Variants in SPRED1 observed in about 807,000 individuals in gnomAD.
SPRED1 encodes sprouty-related, EVH1 domain-containing protein 1.
SPRED1 carries 18 observed loss-of-function variants against 52.3 expected under a neutral mutation model. The ratio of observed to expected loss-of-function variants is 0.34; its 90% confidence interval spans 0.24 to 0.51. The LOEUF (loss-of-function observed/expected upper bound fraction) is 0.51. SPRED1 is among the 20% of genes least tolerant of loss of function. The probability of loss-of-function intolerance (pLI) is 0.97; values close to 1 mark genes in which losing one functional copy is unlikely to be tolerated. For missense variants in SPRED1, 485 were observed against 551.0 expected (o/e 0.88, Z 1.20); for synonymous variants, 155 against 179.7 (o/e 0.86, Z 1.10).
intron 2 of SPRED1, among the ~76,000 whole-genome samples, chr15:38,314,574 G>C (rs546479301): frequency 6.6e-6 from 1 of 151,722 alleles, no homozygotes; most frequent in African/African-American, 2.4e-5. Context: ...GCACACATAC[G>C]TGTATACTTT....
intron 4 of SPRED1, among the ~76,000 whole-genome samples, chr15:38,327,327 G>A (rs575885175): frequency 6.6e-6 from 1 of 152,230 alleles, no homozygotes; most frequent in South Asian, 2.1e-4. Context: ...TTAAAATACG[G>A]AAACATTATT....
chr15:38,342,991 G>T (rs1896058848), intron 5 of SPRED1, among the ~76,000 whole-genome samples: 1 of 152,108 alleles, frequency 6.6e-6, no homozygotes, highest in Non-Finnish European at 1.5e-5. Flanking sequence ...ACTATTAGCG[G>T]TAGGGAATCA....
intron 2 of SPRED1, among the ~76,000 whole-genome samples, chr15:38,319,543 C>T (rs147595034): frequency 6.6e-6 from 1 of 152,232 alleles, no homozygotes; most frequent in Non-Finnish European, 1.5e-5. Flanking sequence ...CCACGCCCGG[C>T]TAATTTTTGT....
intron 5 of SPRED1, among the ~76,000 whole-genome samples, chr15:38,345,900 G>A (rs895046343): frequency 3.3e-5 from 5 of 152,134 alleles, no homozygotes; most frequent in African/African-American, 4.8e-5. Flanking sequence ...ACAAAAGGCC[G>A]ATAGTGCATA....
At chr15:38,273,239 T>G (rs1041579704) in intron 1 of SPRED1, among the ~76,000 whole-genome samples, 11 of 152,194 alleles carry the variant, frequency 7.2e-5, no homozygotes, top group African/African-American at 2.4e-5. Flanking sequence ...TGCAGAAGAA[T>G]GAAACTGGAC....
At chr15:38,257,731 T>C (rs1302511093) in intron 1 of SPRED1, among the ~76,000 whole-genome samples, 1 of 152,222 alleles carries the variant, frequency 6.6e-6, no homozygotes, top group Non-Finnish European at 1.5e-5. Context: ...TTTAAGTCTT[T>C]AAATTGCTCT....
chr15:38,285,399 G>T (rs555658740), intron 1 of SPRED1, among the ~76,000 whole-genome samples: 1 of 152,318 alleles, frequency 6.6e-6, no homozygotes, highest in East Asian at 1.9e-4. Flanking sequence ...GAGTGGAGAT[G>T]ATGGCAGTAG....
intron 1 of SPRED1, among the ~76,000 whole-genome samples, chr15:38,274,655 G>A (rs919803891): frequency 6.6e-6 from 1 of 152,072 alleles, no homozygotes; most frequent in African/African-American, 2.4e-5. Flanking sequence ...AAATTTCACC[G>A]GTTGTTCCAC....
At chr15:38,333,488 A>T (rs1424564891) in intron 4 of SPRED1, among the ~76,000 whole-genome samples, 1 of 152,170 alleles carries the variant, frequency 6.6e-6, no homozygotes, top group African/African-American at 2.4e-5. Flanking sequence ...CTGTGTGTTC[A>T]TTTATTCTTT....
At chr15:38,283,275 C>T (rs983130769) in intron 1 of SPRED1, among the ~76,000 whole-genome samples, 1 of 152,136 alleles carries the variant, frequency 6.6e-6, no homozygotes, top group Non-Finnish European at 1.5e-5. Flanking sequence ...CTCACTATCA[C>T]AAGAACAGCT....
intron 1 of SPRED1, among the ~76,000 whole-genome samples, chr15:38,257,792 G>A (rs114755667): frequency 2.4e-3 from 362 of 152,280 alleles, no homozygotes; most frequent in African/African-American, 8.2e-3. Flanking sequence ...AACTGACTAG[G>A]GATAAAGAAG....
intron 3 of SPRED1, 96 bp from the exon 4 acceptor site, chr15:38,324,667 C>T: frequency 1.0e-6 from 1 of 982,830 alleles, no homozygotes; most frequent in South Asian, 1.5e-5. Context: ...TCTGATTAGT[C>T]TTCTAAAGTA....
chr15:38,349,371 A>C (rs1896204487), intron 5 of SPRED1, 51 bp from the exon 6 acceptor site: 1 of 1,407,216 alleles, frequency 7.1e-7, no homozygotes, highest in Non-Finnish European at 1.0e-6. Flanking sequence ...GTACAGTTTC[A>C]TTAAAAGTAA....
At chr15:38,348,428 GTGTGTGTGTGTC>G (rs1469218960) in intron 5 of SPRED1, among the ~76,000 whole-genome samples, 1 of 151,816 alleles carries the variant, frequency 6.6e-6, no homozygotes, top group African/African-American at 2.4e-5. Flanking sequence ...GTGTGTGTGT[GTGTGTGTGTGTC>G]TGTGTGTGTA....
At chr15:38,329,938 A>G (rs957517504) in intron 4 of SPRED1, among the ~76,000 whole-genome samples, 1 of 152,188 alleles carries the variant, frequency 6.6e-6, no homozygotes, top group African/African-American at 2.4e-5. Flanking sequence ...CTATACTACA[A>G]TTTAATCATT....
At chr15:38,307,057 C>G (rs1456704914) in intron 2 of SPRED1, among the ~76,000 whole-genome samples, 1 of 152,180 alleles carries the variant, frequency 6.6e-6, no homozygotes, top group African/African-American at 2.4e-5. Flanking sequence ...TGCCATTAAA[C>G]TGTAATAGCC....
At position 38,299,453 on chromosome 15, in the gene SPRED1, G is replaced by A; in HGVS notation, c.113G>A (p.Gly38Glu). The change falls in exon 2 of 7, where the codon GGA (glycine) becomes GAA (glutamate). Residue 38 changes from glycine (G) to glutamate (E), a missense_variant. Gly to Glu is a moderately conservative substitution (Grantham distance 98). Coordinates refer to ENST00000299084, the MANE Select transcript of SPRED1 (RefSeq NM_152594.3). The part of the protein sequence containing the change: ...SGGWLPLGGS[G>E]LSSVTVFKVP... ...GGATGGTTACCACTTGGAGGGAGTG[G>A]ACTAAGCAGCGTCACTGTCTTCAAA... The A allele has an allele frequency of 6.2e-7, 1 of 1,613,984 alleles. No individual in the cohort carries two copies. The highest frequency in any genetic ancestry group is 8.5e-7 in the Non-Finnish European group (1 of 1,179,938).
At chr15:38,277,821 A>G (rs11073308) in intron 1 of SPRED1, among the ~76,000 whole-genome samples, 125,512 of 152,058 alleles carry the variant, frequency 0.83, 52,554 homozygotes, top group Non-Finnish European at 0.9. Flanking sequence ...CTGGTGTGAA[A>G]TGGTATCTTT....
rs1190275719 is a variant in SPRED1 at position 38,357,059 on chromosome 15, AG to A, written c.*5398del. ...CTTTTATAACAAGGAAATTGAAACT[AG>A]GGTTCTAGCTTGGCTATCAATATAA... On this transcript the variant is annotated 3_prime_UTR_variant, in exon 7 of 7. Transcript: ENST00000299084. 6.6e-6 allele frequency: 1 copy of A among 152,216 alleles called. No homozygotes were observed. Among genetic ancestry groups the A allele is most frequent in the Non-Finnish European group, 1.5e-5 (1 of 68,012 alleles). 9.4% of individuals were successfully genotyped at this position (152,216 alleles called of 1,614,324 possible). A position where few individuals can be genotyped will look rare whatever the true frequency, so the allele number is the denominator to read the frequency against.
Sources: gnomAD v4.1 joint callset for allele counts (sites outside exome capture counted in the v4.1 genomes callset) on GRCh38, gnomAD v4.1.1 for gene constraint, MANE v1.5 for transcripts, NCBI Gene and HGNC (gene_info 2026-07-23, HGNC 2026-07-21) for gene names.